GRIK3: variants seen among roughly 807,000 people sequenced by gnomAD.
The protein encoded by GRIK3 is glutamate ionotropic receptor kainate type subunit 3, also known as glutamate receptor ionotropic, kainate 3.
Under a neutral mutation model 102.5 loss-of-function variants are expected in GRIK3, and 29 were observed. The observed-to-expected ratio is 0.28, with a 90% CI of 0.21 to 0.39. The LOEUF (loss-of-function observed/expected upper bound fraction) is 0.39, where lower values mean the gene tolerates loss of function less well. Among genes scored for constraint, GRIK3 ranks in the 10% least tolerant of loss-of-function variants. The pLI, the probability that GRIK3 is intolerant of heterozygous loss-of-function variation, is 1.00. For synonymous variants in GRIK3, 511 were observed against 504.9 expected (o/e 1.01, Z -0.16); for missense variants, 908 against 1,252.4 (o/e 0.73, Z 4.15).
At position 36,960,592 on chromosome 1, in the gene GRIK3, C is replaced by T. The variant is rs114084580; in HGVS notation, c.116-69496G>A. ...GCACGGGGTCCACTCCTGGGCTGGG[C>T]CCATGTTCTTCTGGCCCACTTCAGA... On this transcript the variant is annotated intron_variant, in intron 1 of 15. Transcript: ENST00000373091. Among the ~76,000 whole-genome samples, 980 of 152,292 alleles carry T rather than the reference C, an allele frequency of 6.4e-3. 13 individuals are homozygous for T. Among genetic ancestry groups the T allele is most frequent in the African/African-American group, 0.022 (934 of 41,552 alleles).
intron 1 of GRIK3, among the ~76,000 whole-genome samples, chr1:36,913,458 T>C (rs1242305400): frequency 6.6e-6 from 1 of 152,218 alleles, no homozygotes; most frequent in Non-Finnish European, 1.5e-5. Context: ...AAATATCAAT[T>C]GCTATGCAGG....
chr1:36,991,872 CA>C (rs989275337), intron 1 of GRIK3, among the ~76,000 whole-genome samples: 15 of 152,204 alleles, frequency 9.9e-5, no homozygotes, highest in Non-Finnish European at 1.6e-4. Flanking sequence ...TGGCATGTCC[CA>C]AGAGGCTGTG....
chr1:36,888,590 A>G (rs1374909730), intron 2 of GRIK3, among the ~76,000 whole-genome samples: 1 of 152,082 alleles, frequency 6.6e-6, no homozygotes, highest in African/African-American at 2.4e-5. Flanking sequence ...CATCCACTAG[A>G]TTATAAGCTC....
At chr1:36,892,638 T>A (rs937648924) in intron 1 of GRIK3, among the ~76,000 whole-genome samples, 3 of 152,216 alleles carry the variant, frequency 2.0e-5, no homozygotes, top group Admixed American at 6.5e-5. Flanking sequence ...ATTTTTCAGT[T>A]TAATTCCAAT....
chr1:37,030,025 T>G (rs7516107), intron 1 of GRIK3, among the ~76,000 whole-genome samples: 2,468 of 152,300 alleles, frequency 0.016, 69 homozygotes, highest in African/African-American at 0.055. Context: ...TTTAGCGAAG[T>G]GCGAGGCAGG....
intron 1 of GRIK3, among the ~76,000 whole-genome samples, chr1:37,024,696 T>C (rs1642749560): frequency 6.9e-6 from 1 of 144,552 alleles, no homozygotes; most frequent in Admixed American, 7.0e-5. Flanking sequence ...TGAGGTGAGA[T>C]TGTGCCACTG....
chr1:36,957,586 G>T (rs1413429920), intron 1 of GRIK3, among the ~76,000 whole-genome samples: 1 of 134,642 alleles, frequency 7.4e-6, no homozygotes, highest in African/African-American at 2.8e-5. Context: ...TGCCCTGTGA[G>T]TCTCTGTGCC....
intron 1 of GRIK3, among the ~76,000 whole-genome samples, chr1:36,909,222 C>A (rs900377263): frequency 1.3e-5 from 2 of 152,028 alleles, no homozygotes; most frequent in African/African-American, 2.4e-5. Flanking sequence ...GTTATTAAAC[C>A]ATTGGCAGCC....
chr1:37,010,116 A>T (rs571738469), intron 1 of GRIK3, among the ~76,000 whole-genome samples: 1 of 152,194 alleles, frequency 6.6e-6, no homozygotes, highest in African/African-American at 2.4e-5. Flanking sequence ...ACTGTAGTGC[A>T]GGAGAAAAAG....
rs1640856318 is a variant in GRIK3 at position 36,872,736 on chromosome 1, C to T, written c.551-367G>A. 6.6e-6 allele frequency among the ~76,000 whole-genome samples: 1 copy of T among 152,230 alleles called. No homozygotes were observed. Among genetic ancestry groups the T allele is most frequent in the Non-Finnish European group, 1.5e-5 (1 of 68,042 alleles). ...CCACTGACCACACCCATCTGCTTCT[C>T]TCTAACCCAGAATGGGTGTAAAGCC... is the stretch of plus-strand genomic sequence containing the variant. On this transcript the variant is annotated intron_variant, in intron 3 of 15. Transcript: ENST00000373091. The surrounding 1 kb of genome is among the most constrained non-coding windows in gnomAD (Gnocchi z 5.9).
intron 1 of GRIK3, among the ~76,000 whole-genome samples, chr1:36,945,101 T>C (rs1175712926): frequency 6.6e-6 from 1 of 152,244 alleles, no homozygotes; most frequent in Non-Finnish European, 1.5e-5. Flanking sequence ...TGGCCCACAG[T>C]GGCCAATGAT....
At chr1:36,959,059 A>G in intron 1 of GRIK3, among the ~76,000 whole-genome samples, 1 of 113,854 alleles carries the variant, frequency 8.8e-6, no homozygotes, top group African/African-American at 3.1e-5. Context: ...GTGCCCTGTG[A>G]GCCTGCACCC....
chr1:36,978,949 G>A (rs1335245942), intron 1 of GRIK3, among the ~76,000 whole-genome samples: 1 of 152,210 alleles, frequency 6.6e-6, no homozygotes, highest in Non-Finnish European at 1.5e-5. Context: ...ATACATGGAG[G>A]AATGAAGAAC....
chr1:36,977,387 T>C (rs3767099), intron 1 of GRIK3, among the ~76,000 whole-genome samples: 22,675 of 152,116 alleles, frequency 0.15, 2,258 homozygotes, highest in African/African-American at 0.29. Flanking sequence ...AGCTGGACCA[T>C]GAAATTCTAA....
At chr1:36,907,984 T>A (rs747086181) in intron 1 of GRIK3, among the ~76,000 whole-genome samples, 3 of 152,032 alleles carry the variant, frequency 2.0e-5, no homozygotes, top group Non-Finnish European at 4.4e-5. Context: ...AATAACCAAC[T>A]AATAATGGGG....
At chr1:36,878,784 T>C (rs1269742059) in intron 3 of GRIK3, among the ~76,000 whole-genome samples, 2 of 152,244 alleles carry the variant, frequency 1.3e-5, no homozygotes, top group East Asian at 1.9e-4. Context: ...TGTCACCTCT[T>C]TGGGACTCAG....
At chr1:36,836,276 C>T (rs566545669) in intron 10 of GRIK3, among the ~76,000 whole-genome samples, 26 of 152,350 alleles carry the variant, frequency 1.7e-4, no homozygotes, top group African/African-American at 5.5e-4. Context: ...ATGGCCTTGA[C>T]ATAAGGCCCT....
At chr1:37,009,000 T>C (rs1182606847) in intron 1 of GRIK3, among the ~76,000 whole-genome samples, 1 of 152,090 alleles carries the variant, frequency 6.6e-6, no homozygotes. Flanking sequence ...ATCTCCACCA[T>C]TTACTTGCTG....
At chr1:37,023,839 A>G (rs1642739957) in intron 1 of GRIK3, among the ~76,000 whole-genome samples, 1 of 152,202 alleles carries the variant, frequency 6.6e-6, no homozygotes. Context: ...AAGAGGGTGT[A>G]ATCCATACCT....
Sources: allele counts gnomAD v4.1 joint callset (sites outside exome capture counted in the v4.1 genomes callset), GRCh38; gene constraint gnomAD v4.1.1; non-coding constraint Gnocchi (gnomAD v3.1); transcripts MANE v1.5; gene names NCBI Gene and HGNC (gene_info 2026-07-23, HGNC 2026-07-21).